Variants in ENTREP2 observed in about 807,000 individuals in gnomAD.
ENTREP2 encodes protein ENTREP2.
chr15:29,655,105 G>C, the ENTREP2 span, among the ~76,000 whole-genome samples: 1 of 152,082 alleles, frequency 6.6e-6, no homozygotes, highest in Non-Finnish European at 1.5e-5. Flanking sequence ...AAAGTGATCT[G>C]AAAAAACACA....
chr15:29,300,603 C>CT, the ENTREP2 span, among the ~76,000 whole-genome samples: 14 of 152,020 alleles, frequency 9.2e-5, no homozygotes, highest in African/African-American at 2.9e-4. Context: ...AGAACATAGT[C>CT]TTTTTTTTCT....
the ENTREP2 span, among the ~76,000 whole-genome samples, chr15:29,440,906 G>A: frequency 3.3e-5 from 5 of 152,136 alleles, no homozygotes; most frequent in African/African-American, 9.7e-5. Context: ...AAAAAAGAAC[G>A]TTCCTCAGTT....
At chr15:29,597,367 G>C in the ENTREP2 span, among the ~76,000 whole-genome samples, 1 of 151,706 alleles carries the variant, frequency 6.6e-6, no homozygotes, top group Non-Finnish European at 1.5e-5. Context: ...TCAGGAGTTC[G>C]AGACCAGCCT....
At chr15:29,123,187 G>T in the ENTREP2 span, 2 of 791,500 alleles carry the variant, frequency 2.5e-6, no homozygotes, top group Non-Finnish European at 3.9e-6. Context: ...ACAGTTCCCT[G>T]CCCACACCGC....
the ENTREP2 span, among the ~76,000 whole-genome samples, chr15:29,671,339 A>C: frequency 6.6e-6 from 1 of 152,164 alleles, no homozygotes; most frequent in Non-Finnish European, 1.5e-5. Flanking sequence ...TATTGACCTG[A>C]GGGAGGTGGG....
chr15:29,375,680 T>G, the ENTREP2 span: 1 of 152,040 alleles, frequency 6.6e-6, no homozygotes, highest in Non-Finnish European at 1.5e-5. Flanking sequence ...CAAATTACAG[T>G]TGGAATTTCT....
chr15:29,195,251 C>T, the ENTREP2 span: 1 of 985,356 alleles, frequency 1.0e-6, no homozygotes, highest in Non-Finnish European at 1.2e-6. Flanking sequence ...GCGCTGTGAG[C>T]CAGGCGTAGT....
the ENTREP2 span, among the ~76,000 whole-genome samples, chr15:29,130,279 C>G: frequency 1.3e-5 from 2 of 152,208 alleles, no homozygotes; most frequent in East Asian, 1.9e-4. Context: ...CCCTCTCATT[C>G]TGCTGGGAGG....
At chr15:29,461,734 T>C in the ENTREP2 span, among the ~76,000 whole-genome samples, 4,482 of 152,156 alleles carry the variant, frequency 0.029, 244 homozygotes, top group African/African-American at 0.1. Context: ...CGGCCTCCCA[T>C]AGTGCTGGGA....
At chr15:29,252,448 A>G in the ENTREP2 span, 1 of 1,550,800 alleles carries the variant, frequency 6.4e-7, no homozygotes. Flanking sequence ...AGCATTACAC[A>G]CACTGCAGAA....
the ENTREP2 span, chr15:29,569,454 T>G: frequency 4.8e-5 from 2 of 41,532 alleles, no homozygotes; most frequent in African/African-American, 9.1e-5. Context: ...TAGCAAACAT[T>G]AGTTTTAAAG....
chr15:29,291,057 G>A, the ENTREP2 span, among the ~76,000 whole-genome samples: 1 of 152,166 alleles, frequency 6.6e-6, no homozygotes, highest in South Asian at 2.1e-4. Context: ...CCTCTGGCCT[G>A]AGGTGCTCAC....
chr15:29,235,049 T>C, the ENTREP2 span: 1 of 1,151,282 alleles, frequency 8.7e-7, no homozygotes, highest in Non-Finnish European at 1.3e-6. Context: ...TCCCAGGTAG[T>C]GGCCCCACAG....
the ENTREP2 span, among the ~76,000 whole-genome samples, chr15:29,483,747 T>C: frequency 6.6e-6 from 1 of 152,258 alleles, no homozygotes; most frequent in Non-Finnish European, 1.5e-5. Flanking sequence ...CGCTATTGTG[T>C]CAACTATTCT....
the ENTREP2 span, chr15:29,124,688 G>C: frequency 2.6e-6 from 4 of 1,550,336 alleles, no homozygotes; most frequent in Non-Finnish European, 3.5e-6. Flanking sequence ...GCGTCTCACC[G>C]CTCCCAGGCA....
chr15:29,303,038 A>G, the ENTREP2 span, among the ~76,000 whole-genome samples: 2 of 152,068 alleles, frequency 1.3e-5, no homozygotes, highest in African/African-American at 4.8e-5. Flanking sequence ...GCAGACTCAA[A>G]GGGGCCGCTT....
the ENTREP2 span, among the ~76,000 whole-genome samples, chr15:29,386,590 C>T: frequency 1.3e-5 from 2 of 152,148 alleles, no homozygotes; most frequent in Non-Finnish European, 2.9e-5. Context: ...TTGTTAGGGA[C>T]TAAATGTATG....
At chr15:29,411,809 A>G in the ENTREP2 span, among the ~76,000 whole-genome samples, 1 of 152,174 alleles carries the variant, frequency 6.6e-6, no homozygotes, top group Admixed American at 6.5e-5. Context: ...AAACCACCTG[A>G]CACTGATTCT....
At chr15:29,565,562 A>G in the ENTREP2 span, among the ~76,000 whole-genome samples, 1 of 152,172 alleles carries the variant, frequency 6.6e-6, no homozygotes, top group African/African-American at 2.4e-5. Flanking sequence ...AAATAATAAT[A>G]ATGAGTTATG....
Sources: allele counts gnomAD v4.1 joint callset (sites outside exome capture counted in the v4.1 genomes callset), GRCh38; gene constraint gnomAD v4.1.1; transcripts MANE v1.5; gene names NCBI Gene and HGNC (gene_info 2026-07-23, HGNC 2026-07-21).